The following PRMT7 variants were observed in gnomAD, a reference collection of about 807,000 sequenced individuals.
The protein encoded by PRMT7 is protein arginine methyltransferase 7.
PRMT7 carries 75 observed loss-of-function variants against 85.4 expected under a neutral mutation model. The ratio of observed to expected loss-of-function variants is 0.88; its 90% confidence interval spans 0.73 to 1.06. The LOEUF is 1.06. Ranked by LOEUF, PRMT7 falls within the 50% of genes least tolerant of loss-of-function variation. The pLI is 0.00. For synonymous variants in PRMT7, 397 were observed against 359.5 expected, an observed-to-expected ratio of 1.10 and a Z score of -1.18; for missense variants, 868 against 915.2, an observed-to-expected ratio of 0.95 and a Z score of 0.67.
intron 15 of PRMT7, among the ~76,000 whole-genome samples, chr16:68,353,232 T>C (rs1169834530): frequency 6.6e-6 from 1 of 151,824 alleles, no homozygotes; most frequent in Non-Finnish European, 1.5e-5. Flanking sequence ...CGGATAGGAG[T>C]GTGCAGCCCC....
At chr16:68,330,001 C>T (rs1000959273) in intron 6 of PRMT7, among the ~76,000 whole-genome samples, 3 of 152,052 alleles carry the variant, frequency 2.0e-5, no homozygotes, top group Non-Finnish European at 4.4e-5. Context: ...ACAAGTGATT[C>T]TCCTGCCTCA....
intron 15 of PRMT7, 97 bp from the exon 16 acceptor site, chr16:68,353,395 G>T: frequency 6.3e-7 from 1 of 1,582,426 alleles, no homozygotes; most frequent in African/African-American, 1.4e-5. Context: ...TCTCTTTCAG[G>T]TGTGCAGGGA....
chr16:68,351,355 C>T (rs905002477), intron 14 of PRMT7: 1 of 151,030 alleles, frequency 6.6e-6, no homozygotes, highest in Non-Finnish European at 1.5e-5. Context: ...CTGTAGTCTC[C>T]GTTTCTTACC....
intron 3 of PRMT7, 186 bp downstream of exon 3, chr16:68,316,260 G>A (rs1159362688): frequency 1.8e-6 from 1 of 561,530 alleles, no homozygotes; most frequent in East Asian, 3.1e-5. Flanking sequence ...AATCATGCCT[G>A]TTTGGAGAGT....
At chr16:68,337,710 G>GT in intron 7 of PRMT7, 139 bp downstream of exon 7, 2 of 450,476 alleles carry the variant, frequency 4.4e-6, no homozygotes, top group East Asian at 3.4e-5. Context: ...TCCTGGGGGG[G>GT]CTCTGGTTCT....
chr16:68,352,612 GA>G, intron 15 of PRMT7: 2 of 485,644 alleles, frequency 4.1e-6, no homozygotes, highest in Non-Finnish European at 3.6e-6. Context: ...ATACGAAATG[GA>G]AATGGCTGAG....
intron 14 of PRMT7, among the ~76,000 whole-genome samples, chr16:68,349,865 AGC>A (rs1200689837): frequency 1.3e-5 from 2 of 152,210 alleles, no homozygotes; most frequent in African/African-American, 4.8e-5. Context: ...AGAGCACTAC[AGC>A]ATGGCTGACA....
intron 9 of PRMT7, among the ~76,000 whole-genome samples, chr16:68,345,314 A>G (rs1439758812): frequency 6.6e-6 from 1 of 152,218 alleles, no homozygotes; most frequent in Admixed American, 6.5e-5. Flanking sequence ...CACTAGGTTT[A>G]AACCAATTTT....
intron 6 of PRMT7, among the ~76,000 whole-genome samples, chr16:68,336,613 A>G (rs2084728124): frequency 6.6e-6 from 1 of 152,210 alleles, no homozygotes; most frequent in African/African-American, 2.4e-5. Context: ...AGTGGTTAAT[A>G]GTTTAATTGT....
intron 11 of PRMT7, among the ~76,000 whole-genome samples, chr16:68,346,799 A>G (rs2086469945): frequency 6.6e-6 from 1 of 151,974 alleles, no homozygotes; most frequent in Non-Finnish European, 1.5e-5. Context: ...GGAGGATCCA[A>G]GCCATCCTGA....
At chr16:68,335,267 TGTG>T (rs2084495758) in intron 6 of PRMT7, among the ~76,000 whole-genome samples, 1 of 152,174 alleles carries the variant, frequency 6.6e-6, no homozygotes, top group African/African-American at 2.4e-5. Flanking sequence ...CACTAGACCT[TGTG>T]GGTGCTGGGG....
intron 1 of PRMT7, 182 bp downstream of exon 1, chr16:68,311,281 G>T (rs1263163818): frequency 2.6e-6 from 1 of 382,874 alleles, no homozygotes; most frequent in Non-Finnish European, 4.9e-6. Flanking sequence ...GCTGGCCCCG[G>T]CTCTGCAGTG....
At chr16:68,348,268 T>G in intron 13 of PRMT7, 74 bp from the exon 14 acceptor site, 2 of 1,264,674 alleles carry the variant, frequency 1.6e-6, no homozygotes, top group South Asian at 1.3e-5. Flanking sequence ...GAATGCAACT[T>G]TGAGAGATTT....
intron 4 of PRMT7, among the ~76,000 whole-genome samples, chr16:68,323,206 C>CT (rs1256303507): frequency 7.2e-6 from 1 of 138,388 alleles, no homozygotes; most frequent in African/African-American, 2.8e-5. Flanking sequence ...TCTTTTTTTT[C>CT]TTTTTTCTTT....
intron 14 of PRMT7, among the ~76,000 whole-genome samples, chr16:68,350,377 C>A (rs538126609): frequency 6.6e-6 from 1 of 151,784 alleles, no homozygotes; most frequent in African/African-American, 2.4e-5. Flanking sequence ...TTTGACATCC[C>A]CATCGGTAAC....
Position 68,348,411 on chromosome 16 carries a change from G to A in PRMT7, c.1393G>A (p.Glu465Lys). ...IEKRPELLTNEDLQGRKVSLL... is the reference protein window; with the variant it reads ...IEKRPELLTNKDLQGRKVSLL... ...GAAACGGCCGGAATTATTAACAAAT[G>A]AGGACCTACAGGGCAGAAAGGTGAG... The change falls in exon 14 of 19, where the codon GAG becomes AAG. Residue 465 changes from glutamate (E) to lysine (K), a missense_variant. By Grantham distance (56) the Glu-to-Lys change is moderately conservative. Coordinates refer to ENST00000441236, the MANE Select transcript of PRMT7 (RefSeq NM_019023.5). The A allele has an allele frequency of 6.2e-7, 1 of 1,612,192 alleles. No individual in the cohort carries two copies. The highest frequency in any genetic ancestry group is 8.5e-7 in the Non-Finnish European group (1 of 1,178,316).
rs371544644 is a variant in PRMT7, at chr16:68,324,848, C to G, written c.282+16C>G. The stretch of plus-strand genomic sequence containing the variant: ...TGCCATCGAGGTAAGCCATTCCCTT[C>G]AGGTGTGTGTCCTGCATCTTGCATG... On this transcript the variant is annotated intron_variant, in intron 5 of 18. Transcript: ENST00000441236. 1.1e-4 allele frequency: 185 copies of G among 1,613,094 alleles called. No homozygotes were observed. The highest frequency in any genetic ancestry group is 3.2e-4 in the Admixed American group (19 of 59,912).
intron 14 of PRMT7, among the ~76,000 whole-genome samples, chr16:68,350,324 C>G (rs2087113171): frequency 6.6e-6 from 1 of 152,162 alleles, no homozygotes; most frequent in Non-Finnish European, 1.5e-5. Context: ...TTACGATCGA[C>G]TTTTTAAGAA....
chr16:68,348,606 C>G (rs1187048941), intron 14 of PRMT7, among the ~76,000 whole-genome samples, 175 bp downstream of exon 14: 1 of 150,042 alleles, frequency 6.7e-6, no homozygotes, highest in Non-Finnish European at 1.5e-5. Context: ...ATGGAGCTGC[C>G]CGGTGAGCAG....
Sources: allele counts gnomAD v4.1 joint callset (sites outside exome capture counted in the v4.1 genomes callset), GRCh38; gene constraint gnomAD v4.1.1; transcripts MANE v1.5; gene names NCBI Gene and HGNC (gene_info 2026-07-23, HGNC 2026-07-21).